The following CASP6 variants were observed in gnomAD, a reference collection of about 807,000 sequenced individuals.
CASP6 encodes the protein caspase 6.
In CASP6, 20 loss-of-function variants were observed where a neutral mutation model predicts 31.8. The observed-to-expected ratio is 0.63, with a 90% CI of 0.44 to 0.91. The LOEUF (loss-of-function observed/expected upper bound fraction) is 0.91. Ranked by LOEUF, CASP6 falls within the 40% of genes least tolerant of loss-of-function variation. The pLI is 0.00. For missense variants in CASP6, 328 were observed against 361.1 expected (o/e 0.91, Z 0.74); for synonymous variants, 130 against 127.8 (o/e 1.02, Z -0.12).
upstream of CASP6, among the ~76,000 whole-genome samples, chr4:109,704,939 G>A (rs113059537): frequency 6.6e-6 from 1 of 152,236 alleles, no homozygotes; most frequent in African/African-American, 2.4e-5. Context: ...TCCTGACCTT[G>A]AGCAATCTGC....
At chr4:109,709,057 CAG>C in the CASP6 span, among the ~76,000 whole-genome samples, 1 of 152,124 alleles carries the variant, frequency 6.6e-6, no homozygotes, top group Non-Finnish European at 1.5e-5. Context: ...AAATCTATTC[CAG>C]AGTTTTTGAG....
chr4:109,696,264 C>T (rs1048634868), intron 4 of CASP6, 146 bp downstream of exon 4: 2 of 534,108 alleles, frequency 3.7e-6, no homozygotes, highest in African/African-American at 1.9e-5. Context: ...AACGGAAACA[C>T]AGCAGCATAC....
the CASP6 span, among the ~76,000 whole-genome samples, chr4:109,680,486 G>T: frequency 5.4e-5 from 8 of 148,878 alleles, no homozygotes; most frequent in Non-Finnish European, 4.4e-5. Context: ...ATTTACCCTT[G>T]CTGTTTTAGT....
intron 1 of CASP6, among the ~76,000 whole-genome samples, chr4:109,703,080 G>A (rs1218541477): frequency 6.6e-6 from 1 of 152,154 alleles, no homozygotes; most frequent in Non-Finnish European, 1.5e-5. Context: ...GAGGACAAAG[G>A]CGGCAGGGGC....
the CASP6 span, among the ~76,000 whole-genome samples, chr4:109,680,858 G>C: frequency 6.6e-6 from 1 of 152,154 alleles, no homozygotes; most frequent in Admixed American, 6.5e-5. Context: ...CCTCCCTCAG[G>C]TTCTCTTAAC....
the CASP6 span, among the ~76,000 whole-genome samples, chr4:109,675,608 G>A: frequency 6.6e-6 from 1 of 152,204 alleles, no homozygotes; most frequent in South Asian, 2.1e-4. Flanking sequence ...TTAGAGCAGT[G>A]CTGTACTTTG....
intron 1 of CASP6, among the ~76,000 whole-genome samples, chr4:109,699,304 C>G (rs1002432057): frequency 2.0e-5 from 3 of 152,282 alleles, no homozygotes; most frequent in Middle Eastern, 3.4e-3. Context: ...AAAGCATGGA[C>G]TCTTACCCAT....
chr4:109,697,924 A>G, intron 2 of CASP6, 156 bp from the exon 3 acceptor site: 1 of 788,520 alleles, frequency 1.3e-6, no homozygotes, highest in Non-Finnish European at 2.0e-6. Flanking sequence ...CTAATAAGGA[A>G]AGTCCTGAAA....
At chr4:109,703,040 CG>C (rs1465345842) in intron 1 of CASP6, among the ~76,000 whole-genome samples, 1 of 152,168 alleles carries the variant, frequency 6.6e-6, no homozygotes, top group African/African-American at 2.4e-5. Flanking sequence ...TTTAAACAGC[CG>C]GGGCGCCCCG....
upstream of CASP6, among the ~76,000 whole-genome samples, chr4:109,706,004 ATATAT>A (rs1730597946): frequency 8.2e-4 from 36 of 44,034 alleles, no homozygotes; most frequent in Non-Finnish European, 1.2e-3. Context: ...AAAAAAAAAT[ATATAT>A]ATATATATAT....
chr4:109,671,467 C>A, the CASP6 span, among the ~76,000 whole-genome samples: 4 of 152,022 alleles, frequency 2.6e-5, no homozygotes, highest in Non-Finnish European at 5.9e-5. Flanking sequence ...GTTGGCATAC[C>A]CCCAAGCTGA....
chr4:109,694,769 G>GTT lies in CASP6; in HGVS notation c.308-71_308-70dup, dbSNP rs1491443021. ...CTTGTTATCTACACATAAAAATTCA[G>GTT]TTTATTAACACAAGAATAAAGTTAC... On this transcript the variant is annotated intron_variant, in intron 4 of 6. Transcript: ENST00000265164. 1.5e-5 allele frequency: 20 copies of GTT among 1,352,738 alleles called. No individual in the cohort carries two copies. The East Asian group carries it at 4.7e-4, about 32-fold the overall frequency. 83.8% of individuals were successfully genotyped at this position (1,352,738 alleles called of 1,614,324 possible).
chr4:109,698,403 G>A (rs1467581131), intron 1 of CASP6, 61 bp from the exon 2 acceptor site: 3 of 1,425,948 alleles, frequency 2.1e-6, no homozygotes, highest in Non-Finnish European at 2.9e-6. Flanking sequence ...AATATAGTAG[G>A]AACTCCCATC....
the CASP6 span, among the ~76,000 whole-genome samples, chr4:109,668,345 G>T: frequency 6.6e-6 from 1 of 152,070 alleles, no homozygotes; most frequent in Non-Finnish European, 1.5e-5. Flanking sequence ...ATTAAGCATT[G>T]TTCTGTCTTC....
downstream of CASP6, chr4:109,685,160 C>A: frequency 1.6e-6 from 1 of 643,222 alleles, no homozygotes; most frequent in Non-Finnish European, 2.8e-6. Context: ...CCTTCTTTTG[C>A]TTTGGTGTTG....
At chr4:109,682,483 C>T in the CASP6 span, 92 of 967,914 alleles carry the variant, frequency 9.5e-5, no homozygotes, top group East Asian at 2.1e-3. Flanking sequence ...CCTGTGGATC[C>T]TAAGATAATA....
intron 2 of CASP6, 115 bp from the exon 3 acceptor site, chr4:109,697,883 G>T: frequency 8.7e-7 from 1 of 1,149,150 alleles, no homozygotes; most frequent in Non-Finnish European, 1.2e-6. Context: ...CCAGGCTGAT[G>T]TTCCATGGGT....
In CASP6 at chr4:109,698,337, C is replaced by A; in HGVS notation, c.46G>T (p.Glu16Ter). The A allele has an allele frequency of 6.2e-7, 1 of 1,610,282 alleles. No homozygotes were observed. The highest frequency in any genetic ancestry group is 8.5e-7 in the Non-Finnish European group (1 of 1,178,902). ...GLRRGHPAGG[E>*]ENMTETDAFY... ...GCATCTGTTTCTGTCATGTTTTCTT[C>A]CCCACCTATTAAAAAAAGTTGATTT... Residue 16 changes from glutamate to a stop codon, truncating the protein, a stop_gained, in exon 2 of 7, where the codon GAA (glutamate) becomes TAA (stop). Coordinates refer to ENST00000265164, the MANE Select transcript of CASP6 (RefSeq NM_001226.4). LOFTEE classifies it high-confidence loss of function.
chr4:109,687,016 TA>T (rs1729860143), downstream of CASP6, among the ~76,000 whole-genome samples: 3 of 141,148 alleles, frequency 2.1e-5, no homozygotes, highest in African/African-American at 9.7e-5. Context: ...GTATAAACTG[TA>T]TTTTTTTTTA....
Sources: allele counts gnomAD v4.1 joint callset (sites outside exome capture counted in the v4.1 genomes callset), GRCh38; gene constraint gnomAD v4.1.1; transcripts MANE v1.5; gene names NCBI Gene and HGNC (gene_info 2026-07-23, HGNC 2026-07-21).